Variants in SPATA17 observed in about 807,000 individuals in gnomAD.
SPATA17 encodes spermatogenesis associated 17.
SPATA17 carries 53 observed loss-of-function variants against 62.2 expected under a neutral mutation model. The ratio of observed to expected loss-of-function variants is 0.85; its 90% CI spans 0.68 to 1.07. The LOEUF (loss-of-function observed/expected upper bound fraction) is 1.07, where lower values mean the gene tolerates loss of function less well. Ranked by LOEUF, SPATA17 falls within the 50% of genes least tolerant of loss-of-function variation. SPATA17 has a pLI of 0.00. For synonymous variants in SPATA17, 146 were observed against 146.8 expected, an observed-to-expected ratio of 0.99 and a Z score of 0.04; for missense variants, 466 against 425.5, an observed-to-expected ratio of 1.10 and a Z score of -0.84.
At chr1:217,677,842 T>G (rs1022804197) in intron 4 of SPATA17, among the ~76,000 whole-genome samples, 1 of 152,166 alleles carries the variant, frequency 6.6e-6, no homozygotes, top group African/African-American at 2.4e-5. Context: ...ATCCAGAATC[T>G]TTTGATAAAA....
chr1:217,701,157 T>C (rs1242501088), intron 5 of SPATA17, among the ~76,000 whole-genome samples: 2 of 151,204 alleles, frequency 1.3e-5, no homozygotes, highest in African/African-American at 2.4e-5. Context: ...GTATTTTTTG[T>C]GGAGATGGGG....
At chr1:217,813,623 T>C (rs1382152860) in intron 9 of SPATA17, among the ~76,000 whole-genome samples, 1 of 152,138 alleles carries the variant, frequency 6.6e-6, no homozygotes, top group African/African-American at 2.4e-5. Flanking sequence ...GAGGATGGCC[T>C]TCAATAATCA....
intron 5 of SPATA17, among the ~76,000 whole-genome samples, chr1:217,728,471 GTTGA>G (rs1430371280): frequency 1.3e-5 from 2 of 152,056 alleles, no homozygotes; most frequent in African/African-American, 2.4e-5. Flanking sequence ...CTATTTCATC[GTTGA>G]TTGTTTGCTA....
At chr1:217,850,800 T>C (rs1675633952) in intron 9 of SPATA17, among the ~76,000 whole-genome samples, 1 of 152,122 alleles carries the variant, frequency 6.6e-6, no homozygotes, top group Non-Finnish European at 1.5e-5. Flanking sequence ...ATGTAGGATA[T>C]AAACACAAAA....
intron 5 of SPATA17, among the ~76,000 whole-genome samples, chr1:217,703,174 C>CTTTTTTTTTTTTTTTTTT (rs1203063860): frequency 3.2e-4 from 34 of 105,510 alleles, no homozygotes; most frequent in African/African-American, 5.5e-4. Context: ...TGCGCTCGGC[C>CTTTTTTTTTTTTTTTTTT]TTTTTTTTTT....
chr1:217,837,299 G>A (rs1192089849), intron 9 of SPATA17, among the ~76,000 whole-genome samples: 1 of 152,078 alleles, frequency 6.6e-6, no homozygotes, highest in African/African-American at 2.4e-5. Context: ...AATTGTGTAT[G>A]TATTATAGTC....
At chr1:217,654,994 G>A (rs1208245551) in intron 3 of SPATA17, among the ~76,000 whole-genome samples, 1 of 152,180 alleles carries the variant, frequency 6.6e-6, no homozygotes, top group African/African-American at 2.4e-5. Context: ...ATAGGCGTGA[G>A]CCACCGCACC....
rs10559433 is a variant in SPATA17, at chr1:217,742,949, A to AATAT, written c.519+868_519+871dup. ...TCATCCTTAGAGGCATCCAAATTAA[A>AATAT]ATATATATATATATATATATTAAAT... On this transcript the variant is annotated intron_variant, in intron 6 of 10. Transcript: ENST00000366933. Among the ~76,000 whole-genome samples, 250 of 146,146 alleles carry AATAT rather than the reference A, an allele frequency of 1.7e-3. 1 individual carries two copies. Among genetic ancestry groups the AATAT allele is most frequent in the African/African-American group, 5.8e-3 (233 of 39,876 alleles).
intron 6 of SPATA17, among the ~76,000 whole-genome samples, chr1:217,754,161 G>A (rs1005100766): frequency 6.6e-6 from 1 of 152,082 alleles, no homozygotes; most frequent in Non-Finnish European, 1.5e-5. Flanking sequence ...ATTAAGCCCA[G>A]GAGGTCGAGG....
At chr1:217,790,019 C>G (rs1673961623) in intron 8 of SPATA17, among the ~76,000 whole-genome samples, 2 of 151,680 alleles carry the variant, frequency 1.3e-5, no homozygotes, top group Admixed American at 1.3e-4. Flanking sequence ...GCCTGGGTGA[C>G]AGAGCGAGAC....
At chr1:217,838,785 C>A (rs1314899172) in intron 9 of SPATA17, among the ~76,000 whole-genome samples, 1 of 151,958 alleles carries the variant, frequency 6.6e-6, no homozygotes, top group Non-Finnish European at 1.5e-5. Context: ...TTCTATATTT[C>A]TAAATATGTA....
At chr1:217,705,662 A>G (rs916589047) in intron 5 of SPATA17, among the ~76,000 whole-genome samples, 1 of 151,608 alleles carries the variant, frequency 6.6e-6, no homozygotes, top group Admixed American at 6.6e-5. Context: ...GATGGCCTTG[A>G]TTTCTTGACC....
At chr1:217,685,929 GT>G (rs1235418136) in intron 5 of SPATA17, among the ~76,000 whole-genome samples, 2 of 152,032 alleles carry the variant, frequency 1.3e-5, no homozygotes, top group Non-Finnish European at 2.9e-5. Flanking sequence ...TGTTATACTT[GT>G]TCTATTTTAT....
At chr1:217,769,121 A>T (rs1673376060) in intron 6 of SPATA17, among the ~76,000 whole-genome samples, 1 of 152,190 alleles carries the variant, frequency 6.6e-6, no homozygotes, top group African/African-American at 2.4e-5. Flanking sequence ...AGAAGATATC[A>T]AAAAGATTGC....
rs182599933 is a variant in SPATA17 at position 217,684,372 on chromosome 1, C to T, written c.395+1011C>T. Among the ~76,000 whole-genome samples the T allele has an allele frequency of 5.8e-4, 89 of 152,156 alleles. 1 individual carries two copies. Among genetic ancestry groups the T allele is most frequent in the Admixed American group, 5.3e-3 (81 of 15,264 alleles). On this transcript the variant is annotated intron_variant, in intron 5 of 10. Transcript: ENST00000366933. ...AGTTGGTATTTATAGAACAGTCTCA[C>T]TTCAAAATATTTTCTACATATATCA...
intron 5 of SPATA17, among the ~76,000 whole-genome samples, chr1:217,714,790 A>G (rs1017642721): frequency 4.7e-5 from 7 of 150,362 alleles, no homozygotes; most frequent in Non-Finnish European, 7.4e-5. Flanking sequence ...CAGCCGGAAA[A>G]CGTGTTTCTA....
rs1254937436 is a variant in SPATA17 at position 217,774,378 on chromosome 1, A to G, written c.564A>G (p.Pro188=). The G allele has an allele frequency of 1.1e-5, 18 of 1,614,090 alleles. No individual in the cohort carries two copies. The highest frequency in any genetic ancestry group is 2.2e-5 in the South Asian group (2 of 91,084). ...YNSPFRKEPD[P]WELQLQKAKP... ...CACCCTTCAGAAAAGAGCCTGATCC[A>G]TGGGAGCTGCAATTACAGAAGGCAA... The change falls in exon 7 of 11, where the codon CCA becomes CCG. Residue 188 remains proline, a synonymous_variant. Coordinates refer to ENST00000366933, the MANE Select transcript of SPATA17 (RefSeq NM_138796.4).
intron 3 of SPATA17, among the ~76,000 whole-genome samples, chr1:217,657,376 A>C (rs192058033): frequency 6.6e-6 from 1 of 152,244 alleles, no homozygotes; most frequent in East Asian, 1.9e-4. Context: ...TGCTCTGCCC[A>C]CCTTCCACCA....
chr1:217,752,322 C>T (rs1030288415), intron 6 of SPATA17, among the ~76,000 whole-genome samples: 2 of 152,148 alleles, frequency 1.3e-5, no homozygotes, highest in Non-Finnish European at 2.9e-5. Flanking sequence ...GCCACCACAC[C>T]TGGCAATATT....
Sources: gnomAD v4.1 joint callset for allele counts (sites outside exome capture counted in the v4.1 genomes callset) on GRCh38, gnomAD v4.1.1 for gene constraint, MANE v1.5 for transcripts, NCBI Gene and HGNC (gene_info 2026-07-23, HGNC 2026-07-21) for gene names.